CACNB2: variants seen among roughly 807,000 people sequenced by gnomAD.
CACNB2 encodes calcium voltage-gated channel auxiliary subunit beta 2.
A neutral mutation model predicts 73.3 loss-of-function variants in CACNB2; 42 were observed. That is an observed-to-expected ratio of 0.57 (90% confidence interval 0.45 to 0.74). CACNB2 has a LOEUF of 0.74. Ranked by LOEUF, CACNB2 falls within the 30% of genes least tolerant of loss-of-function variation. The pLI is 0.00. For missense variants in CACNB2, 940 were observed against 853.0 expected, an observed-to-expected ratio of 1.10 and a Z score of -1.27; for synonymous variants, 348 against 310.3, an observed-to-expected ratio of 1.12 and a Z score of -1.28.
intron 9 of CACNB2, among the ~76,000 whole-genome samples, chr10:18,520,309 C>T (rs1359689125): frequency 6.6e-6 from 1 of 152,206 alleles, no homozygotes; most frequent in Admixed American, 6.5e-5. Flanking sequence ...AGATCATTTT[C>T]CTTGACTGTT....
intron 2 of CACNB2, among the ~76,000 whole-genome samples, chr10:18,191,771 A>G (rs2034408674): frequency 6.6e-6 from 1 of 152,186 alleles, no homozygotes; most frequent in African/African-American, 2.4e-5. Flanking sequence ...CTGTTAATTC[A>G]TTCCTTTTTA....
intron 4 of CACNB2, among the ~76,000 whole-genome samples, chr10:18,499,372 C>G (rs1231460693): frequency 2.6e-5 from 4 of 152,138 alleles, no homozygotes; most frequent in Non-Finnish European, 5.9e-5. Context: ...AATCCCAACA[C>G]TTTGGGAGGC....
At chr10:18,274,603 C>A (rs2038196945) in intron 2 of CACNB2, among the ~76,000 whole-genome samples, 1 of 152,076 alleles carries the variant, frequency 6.6e-6, no homozygotes, top group Admixed American at 6.6e-5. Flanking sequence ...AAAGAGAAAT[C>A]CACAATTTTT....
chr10:18,298,356 C>T (rs1026803817), intron 2 of CACNB2, among the ~76,000 whole-genome samples: 33 of 147,756 alleles, frequency 2.2e-4, no homozygotes, highest in African/African-American at 7.4e-4. Context: ...GGCGAAAGAG[C>T]GAAACTCTGT....
intron 2 of CACNB2, among the ~76,000 whole-genome samples, chr10:18,316,839 G>C (rs78357670): frequency 6.6e-6 from 1 of 152,020 alleles, no homozygotes; most frequent in African/African-American, 2.4e-5. Flanking sequence ...TGTCCTTTTT[G>C]TATTAGGATC....
At chr10:18,264,971 T>G (rs926243270) in intron 2 of CACNB2, among the ~76,000 whole-genome samples, 1 of 152,232 alleles carries the variant, frequency 6.6e-6, no homozygotes, top group South Asian at 2.1e-4. Context: ...TTCTGAAACA[T>G]CGGGTCAATG....
chr10:18,538,981 CTT>C (rs11419902), intron 13 of CACNB2, among the ~76,000 whole-genome samples: 2 of 146,346 alleles, frequency 1.4e-5, no homozygotes. Flanking sequence ...CCTGCTGCTG[CTT>C]TTTTTTTTTT....
intron 2 of CACNB2, among the ~76,000 whole-genome samples, chr10:18,261,727 C>T (rs1401852904): frequency 6.6e-6 from 1 of 152,100 alleles, no homozygotes; most frequent in African/African-American, 2.4e-5. Flanking sequence ...GGCGCAGAGG[C>T]TAACACTAAA....
intron 3 of CACNB2, among the ~76,000 whole-genome samples, chr10:18,489,759 C>T (rs918497387): frequency 6.6e-6 from 1 of 152,146 alleles, no homozygotes; most frequent in African/African-American, 2.4e-5. Flanking sequence ...TAAAGAAGGA[C>T]CTAGAAGAAG....
In CACNB2 at chr10:18,534,380, T is replaced by A. The variant is rs1304773737; in HGVS notation, c.1206+153T>A. ...GTCAAGAATTTTTAAATTGATATAG[T>A]TTCATGGCTTAGAACAGCTGTTCTC... On this transcript the variant is annotated intron_variant, in intron 11 of 13. Transcript: ENST00000324631. 2.0e-5 allele frequency among the ~76,000 whole-genome samples: 3 copies of A among 152,218 alleles called. No individual in the cohort carries two copies. In the East Asian group the frequency reaches 5.8e-4, roughly 29 times the overall value.
intron 3 of CACNB2, among the ~76,000 whole-genome samples, chr10:18,441,074 T>C (rs1210374666): frequency 6.6e-6 from 1 of 152,180 alleles, no homozygotes; most frequent in Admixed American, 6.5e-5. Flanking sequence ...TGGCCAGTAG[T>C]TGAGGGGTGT....
intron 3 of CACNB2, among the ~76,000 whole-genome samples, chr10:18,481,192 C>CTA (rs145814788): frequency 0.011 from 411 of 36,622 alleles, 3 homozygotes; most frequent in Middle Eastern, 0.033. Context: ...TACATCTTCG[C>CTA]TATATATATA....
At chr10:18,523,407 C>A (rs1166258005) in intron 9 of CACNB2, among the ~76,000 whole-genome samples, 1 of 152,092 alleles carries the variant, frequency 6.6e-6, no homozygotes, top group Non-Finnish European at 1.5e-5. Flanking sequence ...GATTTTGGAC[C>A]CATGTTCGAG....
intron 2 of CACNB2, among the ~76,000 whole-genome samples, chr10:18,162,338 C>T (rs2032526868): frequency 6.6e-6 from 1 of 152,048 alleles, no homozygotes; most frequent in South Asian, 2.1e-4. Flanking sequence ...AGAAAACCCA[C>T]ATGGTAAGCC....
chr10:18,312,561 G>GT (rs1436709777), intron 2 of CACNB2, among the ~76,000 whole-genome samples: 1 of 152,154 alleles, frequency 6.6e-6, no homozygotes, highest in Non-Finnish European at 1.5e-5. Context: ...TAAGGTCACT[G>GT]TATCAGTGTC....
intron 2 of CACNB2, among the ~76,000 whole-genome samples, chr10:18,275,887 T>G (rs2038264553): frequency 6.6e-6 from 1 of 152,186 alleles, no homozygotes; most frequent in Non-Finnish European, 1.5e-5. Flanking sequence ...TTACTATCAG[T>G]TGTTATTAGT....
intron 2 of CACNB2, among the ~76,000 whole-genome samples, chr10:18,213,003 C>T (rs1394260066): frequency 6.6e-6 from 1 of 152,202 alleles, no homozygotes; most frequent in African/African-American, 2.4e-5. Context: ...TGAGGAAGCA[C>T]ATAAAGGATG....
At chr10:18,252,086 A>C (rs1022536765) in intron 2 of CACNB2, among the ~76,000 whole-genome samples, 5 of 152,200 alleles carry the variant, frequency 3.3e-5, no homozygotes, top group African/African-American at 9.6e-5. Context: ...TTTTATTACT[A>C]TTCTTGGGTC....
At chr10:18,293,638 A>G (rs1434118261) in intron 2 of CACNB2, among the ~76,000 whole-genome samples, 1 of 152,230 alleles carries the variant, frequency 6.6e-6, no homozygotes, top group Non-Finnish European at 1.5e-5. Context: ...ATTTAGGAGC[A>G]CTTATTTCAA....
Sources: allele counts gnomAD v4.1 joint callset (sites outside exome capture counted in the v4.1 genomes callset), GRCh38; gene constraint gnomAD v4.1.1; transcripts MANE v1.5; gene names NCBI Gene and HGNC (gene_info 2026-07-23, HGNC 2026-07-21).